Variants in DIP2C observed in about 807,000 individuals in gnomAD.
DIP2C encodes the protein DIP2 acetate--CoA ligase C (putative).
Under a neutral mutation model 192.4 loss-of-function variants are expected in DIP2C, and 33 were observed. The observed-to-expected ratio is 0.17, with a 90% confidence interval of 0.13 to 0.23. The LOEUF is 0.23. Among genes scored for constraint, DIP2C ranks in the 10% least tolerant of loss-of-function variants. The pLI is 1.00. For missense variants in DIP2C, 1,537 were observed against 2,110.1 expected (o/e 0.73, Z 5.32); for synonymous variants, 979 against 864.1 (o/e 1.13, Z -2.33).
intron 17 of DIP2C, among the ~76,000 whole-genome samples, chr10:379,569 TG>T (rs1962133259): frequency 6.6e-6 from 1 of 152,322 alleles, no homozygotes; most frequent in African/African-American, 2.4e-5. Flanking sequence ...AGCCACTGGG[TG>T]GCTTTCTTGT....
intron 18 of DIP2C, among the ~76,000 whole-genome samples, chr10:368,774 G>A (rs1960606110): frequency 6.6e-6 from 1 of 152,230 alleles, no homozygotes; most frequent in South Asian, 2.1e-4. Flanking sequence ...CACACCCCAT[G>A]CCTGGAGGGC....
chr10:379,827 G>C (rs1962161688), intron 17 of DIP2C, among the ~76,000 whole-genome samples: 1 of 152,274 alleles, frequency 6.6e-6, no homozygotes, highest in African/African-American at 2.4e-5. Flanking sequence ...ACCAGGAGCA[G>C]GGGCTGTCCC....
At chr10:535,383 G>A (rs541555535) in intron 1 of DIP2C, among the ~76,000 whole-genome samples, 11 of 151,974 alleles carry the variant, frequency 7.2e-5, no homozygotes, top group South Asian at 2.1e-4. Flanking sequence ...CACGCTTCTC[G>A]GGGGGCATTT....
At position 275,456 on chromosome 10, in the gene DIP2C, T is replaced by G. The variant is rs1319232434; in HGVS notation, c.*1869A>C. 2 of 148,022 alleles carry G rather than the reference T, an allele frequency of 1.4e-5. No individual in the cohort carries two copies. Among genetic ancestry groups the G allele is most frequent in the Admixed American group, 1.4e-4 (2 of 14,350 alleles). The allele number at this position is 148,022 out of a possible 1,614,324, so 9.2% of individuals were successfully genotyped here. A position where few individuals can be genotyped will look rare whatever the true frequency, so the allele number is the denominator to read the frequency against. ...ATGCACCACATATGCAGACACATTT[T>G]TTTAAATGTGCCACTTTTTTTTTTT... On this transcript the variant is annotated 3_prime_UTR_variant, in exon 37 of 37. Coordinates refer to ENST00000280886, the MANE Select transcript of DIP2C (RefSeq NM_014974.3).
At chr10:359,101 G>C (rs1240115981) in intron 22 of DIP2C, among the ~76,000 whole-genome samples, 5 of 152,152 alleles carry the variant, frequency 3.3e-5, no homozygotes, top group African/African-American at 1.2e-4. Flanking sequence ...CACGTGCCCA[G>C]ATGCAGCTGA....
rs561879465 is a variant in DIP2C, at chr10:509,214, G to A, written c.86-22684C>T. On this transcript the variant is annotated intron_variant, in intron 1 of 36. Coordinates refer to ENST00000280886, the MANE Select transcript of DIP2C (RefSeq NM_014974.3). ...GGCACGCGTGGATACTGATTCACCC[G>A]GGGAGGGGCATAGAGGAGACTGAAG... Among the ~76,000 whole-genome samples the A allele has an allele frequency of 8.5e-5, 13 of 152,248 alleles. No individual in the cohort carries two copies. The East Asian group carries it at 9.7e-4, about 11-fold the overall frequency.
chr10:296,140 C>T (rs1442667495), intron 32 of DIP2C, among the ~76,000 whole-genome samples: 1 of 152,172 alleles, frequency 6.6e-6, no homozygotes, highest in African/African-American at 2.4e-5. Context: ...TCCCATTTGC[C>T]AATTCTGGCT....
At chr10:490,092 T>G (rs548458230) in intron 1 of DIP2C, among the ~76,000 whole-genome samples, 7 of 30,924 alleles carry the variant, frequency 2.3e-4, no homozygotes, top group African/African-American at 6.3e-4. Context: ...ACCAGGGACA[T>G]GGTGGCTCTG....
chr10:400,725 G>A (rs1054287520), intron 9 of DIP2C, among the ~76,000 whole-genome samples: 1 of 150,632 alleles, frequency 6.6e-6, no homozygotes, highest in Non-Finnish European at 1.5e-5. Flanking sequence ...TACACGTGTG[G>A]TAGCATTAGC....
chr10:658,403 C>T (rs1312012510), intron 1 of DIP2C, among the ~76,000 whole-genome samples: 2 of 152,172 alleles, frequency 1.3e-5, no homozygotes, highest in African/African-American at 2.4e-5. Flanking sequence ...CTGGACCTGC[C>T]GCTGGGTCTG....
chr10:308,076 C>T (rs1241185200), intron 32 of DIP2C, among the ~76,000 whole-genome samples: 1 of 151,818 alleles, frequency 6.6e-6, no homozygotes, highest in Non-Finnish European at 1.5e-5. Flanking sequence ...GCACACGGTC[C>T]ATCTGGAGGG....
intron 3 of DIP2C, among the ~76,000 whole-genome samples, chr10:466,976 G>A (rs9794555): frequency 0.42 from 61,891 of 147,060 alleles, 14,631 homozygotes; most frequent in East Asian, 0.63. Flanking sequence ...TCAGTGTGGC[G>A]ATTCCTCAGG....
chr10:658,024 G>A (rs1856499306), intron 1 of DIP2C, among the ~76,000 whole-genome samples: 1 of 150,680 alleles, frequency 6.6e-6, no homozygotes, highest in African/African-American at 2.4e-5. Context: ...CCTGCCCCTG[G>A]ACCTGCCCTT....
intron 1 of DIP2C, chr10:662,160 C>G (rs1161952723): frequency 1.4e-6 from 1 of 716,210 alleles, no homozygotes; most frequent in Non-Finnish European, 2.6e-6. Flanking sequence ...ACTTTCTGCC[C>G]TCAGATAGGC....
At chr10:634,568 G>C (rs1289980773) in intron 1 of DIP2C, among the ~76,000 whole-genome samples, 1 of 152,024 alleles carries the variant, frequency 6.6e-6, no homozygotes, top group Non-Finnish European at 1.5e-5. Context: ...ACGTCCTTAA[G>C]AGTGAAACCC....
At chr10:475,247 G>A (rs554012224) in intron 2 of DIP2C, among the ~76,000 whole-genome samples, 59 of 152,288 alleles carry the variant, frequency 3.9e-4, no homozygotes, top group African/African-American at 1.3e-3. Flanking sequence ...ATGGCTGTCC[G>A]CCGTGTCTGC....
chr10:559,970 C>T (rs1379021526), intron 1 of DIP2C, among the ~76,000 whole-genome samples: 2 of 142,520 alleles, frequency 1.4e-5, no homozygotes, highest in Non-Finnish European at 3.1e-5. Flanking sequence ...TCACCTCTCC[C>T]CCCCACTCCT....
At position 338,060 on chromosome 10, in the gene DIP2C, AAAGCTTC is replaced by A. The variant is rs1439025008; in HGVS notation, c.3584+3132_3584+3138del. Among the ~76,000 whole-genome samples the A allele has an allele frequency of 1.1e-4, 17 of 152,228 alleles. 1 individual carries two copies. Among genetic ancestry groups the A allele is most frequent in the African/African-American group, 3.9e-4 (16 of 41,446 alleles). On this transcript the variant is annotated intron_variant, in intron 29 of 36. Transcript: ENST00000280886. ...TGCGTGTATATATTAGTTTTTAACA[AAAGCTTC>A]AAATGTTTTTTAAAATTTAATAGAA...
intron 36 of DIP2C, among the ~76,000 whole-genome samples, chr10:280,059 T>C (rs1350946350): frequency 6.6e-6 from 1 of 150,676 alleles, no homozygotes; most frequent in African/African-American, 2.4e-5. Flanking sequence ...CTTCCTAGAG[T>C]TTCTGTCTTC....
Sources: gnomAD v4.1 joint callset for allele counts (sites outside exome capture counted in the v4.1 genomes callset) on GRCh38, gnomAD v4.1.1 for gene constraint, MANE v1.5 for transcripts, NCBI Gene and HGNC (gene_info 2026-07-23, HGNC 2026-07-21) for gene names.